USP37: variants seen among roughly 807,000 people sequenced by gnomAD.
USP37 encodes ubiquitin specific peptidase 37, also known as ubiquitin carboxyl-terminal hydrolase 37.
In USP37, 27 loss-of-function variants were observed where a neutral mutation model predicts 124.0. That is an observed-to-expected ratio of 0.22 (90% CI 0.16 to 0.30). The LOEUF is 0.30. USP37 is among the 10% of genes least tolerant of loss of function. USP37 has a pLI of 1.00. For missense variants in USP37, 889 were observed against 1,140.4 expected (o/e 0.78, Z 3.17); for synonymous variants, 365 against 388.0 (o/e 0.94, Z 0.70).
At chr2:218,482,321 G>A in intron 16 of USP37, 87 bp from the exon 17 acceptor site, 2 of 1,366,042 alleles carry the variant, frequency 1.5e-6, no homozygotes, top group Non-Finnish European at 1.9e-6. Context: ...TATGTTAGAC[G>A]ACTTTTGATT....
chr2:218,567,201 T>C (rs532683506), intron 1 of USP37, among the ~76,000 whole-genome samples: 1 of 152,320 alleles, frequency 6.6e-6, no homozygotes, highest in Non-Finnish European at 1.5e-5. Flanking sequence ...GTGAGTACTT[T>C]TATATCACTG....
chr2:218,479,451 TTG>T (rs1412309467), intron 18 of USP37, among the ~76,000 whole-genome samples, 197 bp downstream of exon 18: 1 of 152,234 alleles, frequency 6.6e-6, no homozygotes, highest in African/African-American at 2.4e-5. Context: ...TGAGCTAACC[TTG>T]TGTCACTGAT....
At chr2:218,500,233 C>G in intron 11 of USP37, among the ~76,000 whole-genome samples, 1 of 151,852 alleles carries the variant, frequency 6.6e-6, no homozygotes, top group Non-Finnish European at 1.5e-5. Context: ...TGCCACCACA[C>G]GCAGCTAATG....
Position 218,453,355 on chromosome 2 carries a change from T to C in USP37, c.*1575A>G, listed in dbSNP as rs4674310. The C allele has an allele frequency of 0.3, 45,240 of 151,784 alleles. 7,852 individuals carry two copies. The highest frequency in any genetic ancestry group is 0.39 in the Non-Finnish European group (26,363 of 67,878). 9.4% of individuals were successfully genotyped at this position (151,784 alleles called of 1,614,324 possible). On this transcript the variant is annotated 3_prime_UTR_variant, in exon 26 of 26. Transcript: ENST00000258399. ...TCAGCTCACTGCAACCTCTGCCTCCTGGGTTCAAGTGATTCTCTCATGTGA... is the reference window on the plus strand; with the variant it reads ...TCAGCTCACTGCAACCTCTGCCTCCCGGGTTCAAGTGATTCTCTCATGTGA...
At position 218,476,283 on chromosome 2, in the gene USP37, A is replaced by G. The variant is rs150011551; in HGVS notation, c.2043+557T>C. On this transcript the variant is annotated intron_variant, in intron 19 of 25. Transcript: ENST00000258399. Reference sequence around the variant, plus strand: ...TTACTACAGTTCCCTCACATAAACAATTGCTACAGGCTGGGAGTAGTGGCT... The same window carrying G: ...TTACTACAGTTCCCTCACATAAACAGTTGCTACAGGCTGGGAGTAGTGGCT... Among the ~76,000 whole-genome samples the G allele has an allele frequency of 6.0e-3, 920 of 152,232 alleles. 9 individuals are homozygous for G. Among genetic ancestry groups the G allele is most frequent in the African/African-American group, 0.02 (844 of 41,550 alleles).
At chr2:218,529,068 C>G (rs576947140) in intron 10 of USP37, among the ~76,000 whole-genome samples, 24 of 152,238 alleles carry the variant, frequency 1.6e-4, no homozygotes, top group African/African-American at 5.3e-4. Flanking sequence ...TATTGGTCTA[C>G]AGTCTGATAA....
intron 22 of USP37, among the ~76,000 whole-genome samples, chr2:218,462,133 G>A (rs180716240): frequency 1.3e-5 from 2 of 151,840 alleles, no homozygotes; most frequent in African/African-American, 2.4e-5. Flanking sequence ...CTCCAGCCTC[G>A]GCAACAAGAG....
intron 14 of USP37, among the ~76,000 whole-genome samples, chr2:218,489,951 T>G (rs1007939991): frequency 2.0e-5 from 3 of 152,242 alleles, no homozygotes; most frequent in African/African-American, 7.2e-5. Flanking sequence ...TTTTCGTTGT[T>G]GTATAGCTTT....
chr2:218,540,692 A>G (rs1157033172), intron 8 of USP37, among the ~76,000 whole-genome samples: 1 of 152,212 alleles, frequency 6.6e-6, no homozygotes, highest in African/African-American at 2.4e-5. Context: ...TCCATTTAAC[A>G]TTTTTGGACC....
At chr2:218,472,466 CTCTT>C in intron 20 of USP37, among the ~76,000 whole-genome samples, 1 of 151,562 alleles carries the variant, frequency 6.6e-6, no homozygotes, top group Admixed American at 6.6e-5. Flanking sequence ...GAATCTCTCT[CTCTT>C]TTTTTTTTTT....
chr2:218,547,200 G>C, intron 6 of USP37, 109 bp from the exon 7 acceptor site: 3 of 1,157,926 alleles, frequency 2.6e-6, no homozygotes, highest in Non-Finnish European at 2.4e-6. Flanking sequence ...AGCCAGGTGC[G>C]ATGGCTCATG....
intron 14 of USP37, among the ~76,000 whole-genome samples, chr2:218,491,660 C>T (rs1047788987): frequency 1.3e-5 from 2 of 152,118 alleles, no homozygotes; most frequent in African/African-American, 4.8e-5. Flanking sequence ...GGGGTGATAG[C>T]AGTGAATAAA....
At chr2:218,461,073 G>A (rs1007507033) in intron 22 of USP37, among the ~76,000 whole-genome samples, 2 of 152,146 alleles carry the variant, frequency 1.3e-5, no homozygotes, top group African/African-American at 4.8e-5. Context: ...TGAATAATAC[G>A]TGTCCACTGG....
At chr2:218,527,351 C>T (rs1691037335) in intron 10 of USP37, among the ~76,000 whole-genome samples, 1 of 152,202 alleles carries the variant, frequency 6.6e-6, no homozygotes, top group East Asian at 1.9e-4. Context: ...CTCTGGTTTA[C>T]TAGCTCAAAG....
At chr2:218,521,202 C>T (rs711190) in intron 10 of USP37, among the ~76,000 whole-genome samples, 151,993 of 152,332 alleles carry the variant, frequency 1, 75,828 homozygotes, top group Middle Eastern at 1. Flanking sequence ...TGTGTGTCAA[C>T]TAAACCTCTT....
chr2:218,457,187 T>TC, intron 23 of USP37, 26 bp from the exon 24 acceptor site: 2 of 1,604,294 alleles, frequency 1.2e-6, no homozygotes, highest in Non-Finnish European at 8.5e-7. Flanking sequence ...GGGTATAACT[T>TC]TTAAGTCTTC....
chr2:218,473,653 A>C (rs1574852099), intron 20 of USP37, among the ~76,000 whole-genome samples: 1 of 152,336 alleles, frequency 6.6e-6, no homozygotes, highest in East Asian at 1.9e-4. Context: ...AAAGATAGTA[A>C]AAGTTATCTA....
At chr2:218,552,495 G>T (rs555007095) in intron 5 of USP37, among the ~76,000 whole-genome samples, 1 of 151,992 alleles carries the variant, frequency 6.6e-6, no homozygotes, top group African/African-American at 2.4e-5. Context: ...AAGGTCAATC[G>T]CTTGGGCCCA....
intron 10 of USP37, among the ~76,000 whole-genome samples, chr2:218,521,145 C>G (rs553632844): frequency 6.6e-6 from 1 of 152,246 alleles, no homozygotes; most frequent in African/African-American, 2.4e-5. Context: ...TCCCTGTGGC[C>G]TCCCCAAAAG....
Sources: allele counts gnomAD v4.1 joint callset (sites outside exome capture counted in the v4.1 genomes callset), GRCh38; gene constraint gnomAD v4.1.1; transcripts MANE v1.5; gene names NCBI Gene and HGNC (gene_info 2026-07-23, HGNC 2026-07-21).